Variants in CDH13 observed in about 807,000 individuals in gnomAD.
CDH13 encodes cadherin 13.
CDH13 carries 24 observed loss-of-function variants against 63.8 expected under a neutral mutation model. That is an observed-to-expected ratio of 0.38 (90% confidence interval 0.27 to 0.53). CDH13 has a LOEUF of 0.53. Ranked by LOEUF, CDH13 falls within the 20% of genes least tolerant of loss-of-function variation. The pLI is 0.85. For synonymous variants in CDH13, 503 were observed against 355.3 expected, an observed-to-expected ratio of 1.42 and a Z score of -4.67; for missense variants, 1,049 against 903.1, an observed-to-expected ratio of 1.16 and a Z score of -2.07.
At chr16:83,389,430 C>T (rs981360357) in intron 6 of CDH13, among the ~76,000 whole-genome samples, 22 of 152,270 alleles carry the variant, frequency 1.4e-4, no homozygotes, top group South Asian at 1.2e-3. Flanking sequence ...CATTTGACCC[C>T]GAATTCCAAT....
intron 2 of CDH13, among the ~76,000 whole-genome samples, chr16:82,862,998 C>T (rs140649107): frequency 2.0e-5 from 3 of 152,318 alleles, no homozygotes; most frequent in Non-Finnish European, 4.4e-5. Context: ...CCCAAAGTGG[C>T]ATGTATCATT....
chr16:83,379,004 TATAC>T (rs1284418691), intron 6 of CDH13, among the ~76,000 whole-genome samples: 102 of 137,428 alleles, frequency 7.4e-4, no homozygotes, highest in South Asian at 1.8e-3. Flanking sequence ...TATATATATA[TATAC>T]ACACACACAC....
At chr16:83,623,753 A>T (rs1910025285) in intron 8 of CDH13, among the ~76,000 whole-genome samples, 1 of 152,174 alleles carries the variant, frequency 6.6e-6, no homozygotes, top group African/African-American at 2.4e-5. Context: ...AAGTCTCAAC[A>T]AACCCAAACA....
At chr16:83,700,822 G>T (rs1031494979) in intron 10 of CDH13, among the ~76,000 whole-genome samples, 1 of 152,096 alleles carries the variant, frequency 6.6e-6, no homozygotes, top group Non-Finnish European at 1.5e-5. Context: ...AATATGTTTT[G>T]TTTCATTTTG....
At chr16:83,367,752 G>T (rs180806264) in intron 6 of CDH13, among the ~76,000 whole-genome samples, 2 of 152,112 alleles carry the variant, frequency 1.3e-5, no homozygotes, top group Non-Finnish European at 2.9e-5. Flanking sequence ...GCTTTGCCTA[G>T]TCTGGGTTCT....
intron 2 of CDH13, among the ~76,000 whole-genome samples, chr16:83,014,706 G>A (rs1378421806): frequency 7.4e-6 from 1 of 134,340 alleles, no homozygotes; most frequent in African/African-American, 2.8e-5. Context: ...ACTCCAGCTT[G>A]GGCAACAGAG....
chr16:82,727,918 C>G (rs2033189074), intron 1 of CDH13, among the ~76,000 whole-genome samples: 1 of 152,144 alleles, frequency 6.6e-6, no homozygotes, highest in South Asian at 2.1e-4. Context: ...TATGCATGTT[C>G]TGGACACAGC....
chr16:82,705,488 C>G (rs1450416322), intron 1 of CDH13, among the ~76,000 whole-genome samples: 1 of 152,202 alleles, frequency 6.6e-6, no homozygotes, highest in African/African-American at 2.4e-5. Context: ...TGAATCTTTA[C>G]TCAACTACTT....
At chr16:82,845,905 A>G (rs2151142075) in intron 1 of CDH13, among the ~76,000 whole-genome samples, 1 of 152,306 alleles carries the variant, frequency 6.6e-6, no homozygotes, top group Admixed American at 6.5e-5. Flanking sequence ...TTTCCTTTTA[A>G]GTTTTCCAAG....
chr16:83,587,701 A>C (rs1037333589), intron 7 of CDH13, among the ~76,000 whole-genome samples: 1 of 152,212 alleles, frequency 6.6e-6, no homozygotes, highest in Non-Finnish European at 1.5e-5. Context: ...AGATTTTGTA[A>C]AATCTTAACA....
At chr16:83,325,656 C>G (rs2090343787) in intron 5 of CDH13, among the ~76,000 whole-genome samples, 1 of 152,156 alleles carries the variant, frequency 6.6e-6, no homozygotes, top group African/African-American at 2.4e-5. Context: ...GACCTCTATT[C>G]TAGAGTATTT....
intron 11 of CDH13, among the ~76,000 whole-genome samples, chr16:83,768,755 C>T (rs1320700823): frequency 6.6e-6 from 1 of 151,942 alleles, no homozygotes; most frequent in African/African-American, 2.4e-5. Context: ...TGTAAACTGT[C>T]ATGGTGCTGG....
intron 10 of CDH13, among the ~76,000 whole-genome samples, chr16:83,696,314 T>A (rs1905398437): frequency 2.0e-5 from 3 of 152,240 alleles, no homozygotes; most frequent in Admixed American, 2.0e-4. Context: ...TATCTTTTTA[T>A]AATTCTGTGT....
At chr16:82,716,588 A>T (rs776587094) in intron 1 of CDH13, among the ~76,000 whole-genome samples, 54 of 148,512 alleles carry the variant, frequency 3.6e-4, no homozygotes, top group Admixed American at 5.5e-4. Context: ...ACATATAAAG[A>T]CTTCATACTA....
chr16:83,744,878 T>C (rs1912420963), intron 10 of CDH13, among the ~76,000 whole-genome samples: 1 of 152,172 alleles, frequency 6.6e-6, no homozygotes, highest in Non-Finnish European at 1.5e-5. Flanking sequence ...TCCATGACTC[T>C]AACACTCATG....
chr16:82,838,332 G>T (rs1167241714), intron 1 of CDH13, among the ~76,000 whole-genome samples: 1 of 152,122 alleles, frequency 6.6e-6, no homozygotes, highest in Non-Finnish European at 1.5e-5. Flanking sequence ...TATTTATTGT[G>T]TTATCACTAG....
At chr16:83,437,804 A>G (rs1323847049) in intron 6 of CDH13, among the ~76,000 whole-genome samples, 2 of 152,168 alleles carry the variant, frequency 1.3e-5, no homozygotes, top group Non-Finnish European at 2.9e-5. Flanking sequence ...GCCCTGATGT[A>G]TAATAGTTTG....
At chr16:82,678,254 A>G (rs1914154326) in intron 1 of CDH13, among the ~76,000 whole-genome samples, 1 of 152,140 alleles carries the variant, frequency 6.6e-6, no homozygotes, top group Non-Finnish European at 1.5e-5. Context: ...ATAAACTAGA[A>G]TAAATATAAA....
At chr16:83,073,743 T>C (rs1299934344) in intron 3 of CDH13, among the ~76,000 whole-genome samples, 1 of 152,050 alleles carries the variant, frequency 6.6e-6, no homozygotes, top group African/African-American at 2.4e-5. Flanking sequence ...TATAATATAC[T>C]TAGTATAACA....
Sources: allele counts gnomAD v4.1 joint callset (sites outside exome capture counted in the v4.1 genomes callset), GRCh38; gene constraint gnomAD v4.1.1; transcripts MANE v1.5; gene names NCBI Gene and HGNC (gene_info 2026-07-23, HGNC 2026-07-21).